The following RYR2 variants were observed in gnomAD, a reference collection of about 807,000 sequenced individuals.
RYR2 encodes ryanodine receptor 2.
A neutral mutation model predicts 601.1 loss-of-function variants in RYR2; 227 were observed. The ratio of observed to expected loss-of-function variants is 0.38; its 90% CI spans 0.34 to 0.42. The LOEUF (loss-of-function observed/expected upper bound fraction) is 0.42, where lower values mean the gene tolerates loss of function less well. Ranked by LOEUF, RYR2 falls within the 10% of genes least tolerant of loss-of-function variation. The pLI is 1.00. For synonymous variants in RYR2, 2,223 were observed against 2,175.1 expected (o/e 1.02, Z -0.61); for missense variants, 4,646 against 6,156.5 (o/e 0.75, Z 8.21).
chr1:237,052,153 A>G (rs904309412), intron 1 of RYR2, among the ~76,000 whole-genome samples: 2 of 152,216 alleles, frequency 1.3e-5, no homozygotes, highest in African/African-American at 4.8e-5. Flanking sequence ...GTAGCATTAT[A>G]CCAGGTACCT....
intron 102 of RYR2, chr1:237,829,954 C>A: frequency 6.6e-6 from 1 of 152,622 alleles, no homozygotes; most frequent in Non-Finnish European, 1.5e-5. Flanking sequence ...AATCTGGTCC[C>A]TAGTGCCGAA....
intron 1 of RYR2, among the ~76,000 whole-genome samples, chr1:237,198,440 ATTTTTT>A (rs145357805): frequency 1.5e-5 from 2 of 132,904 alleles, no homozygotes; most frequent in Non-Finnish European, 1.6e-5. Flanking sequence ...TGTTTCCTTG[ATTTTTT>A]TTTTTTTTTT....
chr1:237,787,858 CG>C, intron 91 of RYR2, 129 bp from the exon 92 acceptor site: 3 of 847,702 alleles, frequency 3.5e-6, no homozygotes, highest in Non-Finnish European at 5.5e-6. Context: ...TATCATTCAC[CG>C]GAAAAGAAAT....
chr1:237,546,082 A>G (rs936686353), intron 25 of RYR2, among the ~76,000 whole-genome samples: 3 of 151,998 alleles, frequency 2.0e-5, no homozygotes, highest in Middle Eastern at 3.4e-3. Context: ...AGATTTGCCT[A>G]TTTAAATGTC....
chr1:237,784,770 C>T lies in RYR2; in HGVS notation c.13058C>T (p.Pro4353Leu). ...GATGGGGAGGAGGGAGAGAGGAAAC[C>T]CCTGGAAGCCGCCCTGCCCTCCGAG... ...RGDGEEGERK[P>L]LEAALPSEDL... is the part of the protein sequence containing the mutation. The change falls in exon 90 of 105, where the codon CCC (proline) becomes CTC (leucine). Residue 4353 changes from proline to leucine, a missense_variant. Physicochemically the swap from Pro to Leu is moderately conservative, Grantham distance 98. Coordinates refer to ENST00000366574, the MANE Select transcript of RYR2 (RefSeq NM_001035.3). The surrounding 1 kb of genome is among the most constrained non-coding windows in gnomAD (Gnocchi z 7.1). 6.2e-7 allele frequency: 1 copy of T among 1,605,056 alleles called. No homozygotes were observed. Among genetic ancestry groups the T allele is most frequent in the Non-Finnish European group, 8.5e-7 (1 of 1,174,742 alleles).
chr1:237,545,587 G>T (rs1346519515), intron 25 of RYR2, among the ~76,000 whole-genome samples: 1 of 152,072 alleles, frequency 6.6e-6, no homozygotes, highest in East Asian at 1.9e-4. Flanking sequence ...CCAGTTGTGG[G>T]GAGTGAGAAG....
chr1:237,416,763 C>CAG (rs60010171), intron 10 of RYR2, among the ~76,000 whole-genome samples: 99 of 147,398 alleles, frequency 6.7e-4, no homozygotes, highest in Middle Eastern at 3.4e-3. Flanking sequence ...CACACACACA[C>CAG]AGAGAGAGAG....
At position 237,832,704 on chromosome 1, in the gene RYR2, A is replaced by G. The variant is rs1056879701; in HGVS notation, c.*57A>G. ...CCCTACCCCTCTCTCTCCCTCTCTCAATTTCTCTGCTCTCTTGGAAACATT... is the reference window on the plus strand; with the variant it reads ...CCCTACCCCTCTCTCTCCCTCTCTCGATTTCTCTGCTCTCTTGGAAACATT... On this transcript the variant is annotated 3_prime_UTR_variant, in exon 105 of 105. Coordinates refer to ENST00000366574, the MANE Select transcript of RYR2 (RefSeq NM_001035.3). 1.0e-6 allele frequency: 1 copy of G among 972,202 alleles called. No homozygotes were observed. Among genetic ancestry groups the G allele is most frequent in the African/African-American group, 1.6e-5 (1 of 61,580 alleles). 60.2% of individuals were successfully genotyped at this position (972,202 alleles called of 1,614,324 possible).
intron 68 of RYR2, 149 bp from the exon 69 acceptor site, chr1:237,708,709 A>G (rs1371062868): frequency 1.1e-5 from 6 of 547,916 alleles, no homozygotes; most frequent in Non-Finnish European, 1.9e-5. Context: ...AACTTGGACT[A>G]GAAAAATGGC....
Position 237,330,917 on chromosome 1 carries a change from G to A in RYR2, c.208G>A (p.Glu70Lys). Residue 70 changes from glutamate to lysine, a missense_variant, in exon 3 of 105, where the codon GAG (glutamate) becomes AAG (lysine). This residue lies in a region of RYR2 where 153 missense variants were observed against 203.6 expected (regional missense o/e 0.75). Coordinates refer to ENST00000366574, the MANE Select transcript of RYR2 (RefSeq NM_001035.3). ...PDLSICTFVL[E>K]QSLSVRALQE... ...CCTCTCCATCTGCACCTTTGTGCTG[G>A]AGCAGTCCCTCTCTGTCCGGGCGCT... is the stretch of plus-strand genomic sequence containing the variant. The A allele has an allele frequency of 1.9e-6, 3 of 1,613,938 alleles. No individual in the cohort carries two copies. Among genetic ancestry groups the A allele is most frequent in the Non-Finnish European group, 2.5e-6 (3 of 1,179,888 alleles).
At chr1:237,515,937 CCTCTTCTCCTTG>C (rs924152333) in intron 24 of RYR2, among the ~76,000 whole-genome samples, 5 of 66,526 alleles carry the variant, frequency 7.5e-5, no homozygotes, top group South Asian at 1.1e-3. Flanking sequence ...TCTCCTTCTT[CCTCTTCTCCTTG>C]CTCTTCTCCT....
At chr1:237,760,824 A>AGACATGTAATGAATGGG in intron 83 of RYR2, 131 bp from the exon 84 acceptor site, 1 of 658,408 alleles carries the variant, frequency 1.5e-6, no homozygotes. Context: ...CAATGAATGG[A>AGACATGTAATGAATGGG]GACATGTTTT....
chr1:237,631,990 A>G (rs1231004553), intron 42 of RYR2, among the ~76,000 whole-genome samples: 1 of 152,080 alleles, frequency 6.6e-6, no homozygotes, highest in Non-Finnish European at 1.5e-5. Flanking sequence ...CTGTTTTTAA[A>G]GAAGACTTTT....
intron 1 of RYR2, among the ~76,000 whole-genome samples, chr1:237,083,272 C>T (rs998656982): frequency 6.6e-6 from 1 of 152,104 alleles, no homozygotes; most frequent in Non-Finnish European, 1.5e-5. Context: ...AATTTATGTT[C>T]AAGTGGTGGC....
chr1:237,500,639 G>T, intron 20 of RYR2, 72 bp from the exon 21 acceptor site: 1 of 1,330,158 alleles, frequency 7.5e-7, no homozygotes. Context: ...CAAATCTTTT[G>T]ACTTTGGCTC....
Position 237,527,648 on chromosome 1 carries a change from C to T in RYR2, c.2823-2779C>T, listed in dbSNP as rs140303149. 1.3e-3 allele frequency among the ~76,000 whole-genome samples: 195 copies of T among 152,270 alleles called. 3 individuals are homozygous for T. In the East Asian group the frequency reaches 0.035, roughly 27 times the overall value. On this transcript the variant is annotated intron_variant, in intron 24 of 104. Coordinates refer to ENST00000366574, the MANE Select transcript of RYR2 (RefSeq NM_001035.3). ...TTCATCTCTTTATCCTTTATTCCCA[C>T]ATGTCTTCATCTTTGAAATGTTTAA...
intron 22 of RYR2, 133 bp from the exon 23 acceptor site, chr1:237,506,577 G>T: frequency 1.7e-6 from 1 of 577,278 alleles, no homozygotes; most frequent in Admixed American, 3.2e-5. Flanking sequence ...TGAAATAGAT[G>T]GCTTAGAACT....
intron 20 of RYR2, 150 bp downstream of exon 20, chr1:237,496,902 G>T: frequency 1.1e-6 from 1 of 944,092 alleles, no homozygotes; most frequent in Non-Finnish European, 1.6e-6. Context: ...GAGTGTTGAG[G>T]AACAAGCAGT....
At chr1:237,643,767 C>T (rs1290442245) in intron 48 of RYR2, among the ~76,000 whole-genome samples, 2 of 151,838 alleles carry the variant, frequency 1.3e-5, no homozygotes, top group Non-Finnish European at 2.9e-5. Flanking sequence ...CGCCCGTCAC[C>T]ATGCCCGGCT....
Sources: gnomAD v4.1 joint callset for allele counts (sites outside exome capture counted in the v4.1 genomes callset) on GRCh38, gnomAD v4.1.1 for gene constraint, gnomAD v4.1.1 regional missense constraint, Gnocchi (gnomAD v3.1) non-coding constraint, MANE v1.5 for transcripts, NCBI Gene and HGNC (gene_info 2026-07-23, HGNC 2026-07-21) for gene names.